The following SPATA16 variants were observed in gnomAD, a reference collection of about 807,000 sequenced individuals.
The protein encoded by SPATA16 is spermatogenesis associated 16.
SPATA16 carries 36 observed loss-of-function variants against 63.3 expected under a neutral mutation model. That is an observed-to-expected ratio of 0.57 (90% CI 0.44 to 0.75). The LOEUF is 0.75. SPATA16 is among the 30% of genes least tolerant of loss of function. The pLI is 0.00. For synonymous variants in SPATA16, 203 were observed against 216.7 expected (o/e 0.94, Z 0.56); for missense variants, 646 against 679.3 (o/e 0.95, Z 0.54).
chr3:172,916,491 A>G lies in SPATA16; in HGVS notation c.1339-10T>C, dbSNP rs546788418. On this transcript the variant is annotated splice_polypyrimidine_tract_variant and intron_variant, in intron 8 of 10. Transcript: ENST00000351008. ...ATGCAGGAAAACTCCCCTAGTCTCA[A>G]AGTAAAAGAAATGTTTTAGAACAAA... 109 of 1,613,524 alleles carry G rather than the reference A, an allele frequency of 6.8e-5. 1 individual carries two copies. The South Asian group carries it at 1.1e-3, about 16-fold the overall frequency.
intron 2 of SPATA16, among the ~76,000 whole-genome samples, chr3:173,058,280 A>G (rs1326206849): frequency 6.6e-6 from 1 of 152,118 alleles, no homozygotes; most frequent in Non-Finnish European, 1.5e-5. Context: ...TGGTTTCCCT[A>G]ATGAGAAATT....
intron 1 of SPATA16, among the ~76,000 whole-genome samples, chr3:173,127,716 C>T (rs1349443346): frequency 3.9e-5 from 6 of 152,222 alleles, no homozygotes; most frequent in African/African-American, 9.6e-5. Flanking sequence ...ATACAACGTC[C>T]GCTTGCTTTT....
chr3:173,117,217 A>G lies in SPATA16; in HGVS notation c.515T>C (p.Ile172Thr). The change falls in exon 2 of 11, where the codon ATT becomes ACT. Residue 172 changes from isoleucine to threonine, a missense_variant. Ile to Thr is a moderately conservative substitution (Grantham distance 89). Coordinates refer to ENST00000351008, the MANE Select transcript of SPATA16 (RefSeq NM_031955.6). Reference sequence around the variant, plus strand: ...TAAGGCTACCTGAAGCCATTTGTCAATCTGAGGCAGAAAGCTGAAATTATG... The same window carrying G: ...TAAGGCTACCTGAAGCCATTTGTCAGTCTGAGGCAGAAAGCTGAAATTATG... Reference protein sequence around the residue: ...SVHNFSFLPQIDKWLQVALKD... With the variant: ...SVHNFSFLPQTDKWLQVALKD... 6.2e-7 allele frequency: 1 copy of G among 1,614,148 alleles called. No homozygotes were observed. Among genetic ancestry groups the G allele is most frequent in the Non-Finnish European group, 8.5e-7 (1 of 1,180,006 alleles).
At chr3:173,113,791 A>G (rs1026634898) in intron 2 of SPATA16, among the ~76,000 whole-genome samples, 9 of 152,168 alleles carry the variant, frequency 5.9e-5, no homozygotes, top group Non-Finnish European at 1.0e-4. Flanking sequence ...CTCCGTTCTT[A>G]CTTTTCTGTT....
chr3:172,926,893 G>C (rs936568726), intron 6 of SPATA16, among the ~76,000 whole-genome samples: 2 of 152,122 alleles, frequency 1.3e-5, no homozygotes, highest in African/African-American at 4.8e-5. Flanking sequence ...AGCCCTCTTC[G>C]TTTAACACTG....
intron 3 of SPATA16, among the ~76,000 whole-genome samples, chr3:173,020,004 A>T (rs63268660): frequency 6.7e-6 from 1 of 149,686 alleles, no homozygotes. Flanking sequence ...AAAAAAAAAA[A>T]GGAACTGGAG....
At chr3:172,939,250 C>T (rs1262423134) in intron 6 of SPATA16, among the ~76,000 whole-genome samples, 1 of 152,086 alleles carries the variant, frequency 6.6e-6, no homozygotes, top group African/African-American at 2.4e-5. Flanking sequence ...TTGCTTGGTG[C>T]CCTGCAAATA....
chr3:173,117,250 A>G lies in SPATA16; in HGVS notation c.482T>C (p.Leu161Ser), dbSNP rs1461121794. Residue 161 changes from leucine to serine, a missense_variant, in exon 2 of 11, where the codon TTG becomes TCG. Leu to Ser is a moderately radical substitution (Grantham distance 145). Coordinates refer to ENST00000351008, the MANE Select transcript of SPATA16 (RefSeq NM_031955.6). ...TCQAAEIVDP[L>S]SVHNFSFLPQ... ...CAGAAAGCTGAAATTATGTACACTCAAAGGGTCTACTATTTCAGCAGCTTG... is the reference window on the plus strand; with the variant it reads ...CAGAAAGCTGAAATTATGTACACTCGAAGGGTCTACTATTTCAGCAGCTTG... The G allele has an allele frequency of 1.2e-6, 2 of 1,614,182 alleles. No individual in the cohort carries two copies. Among genetic ancestry groups the G allele is most frequent in the Non-Finnish European group, 8.5e-7 (1 of 1,180,006 alleles).
intron 6 of SPATA16, among the ~76,000 whole-genome samples, chr3:172,937,736 C>T (rs906655802): frequency 2.0e-5 from 3 of 152,052 alleles, no homozygotes; most frequent in Non-Finnish European, 2.9e-5. Context: ...TCAGTGTCAT[C>T]AGCTTCCTTT....
chr3:173,015,508 A>G (rs1339909612), intron 4 of SPATA16, among the ~76,000 whole-genome samples: 1 of 152,190 alleles, frequency 6.6e-6, no homozygotes, highest in African/African-American at 2.4e-5. Flanking sequence ...TGTATTTTCA[A>G]TTTAGAAGTC....
intron 10 of SPATA16, among the ~76,000 whole-genome samples, chr3:172,903,291 A>C (rs896049536): frequency 6.6e-6 from 1 of 152,258 alleles, no homozygotes; most frequent in Non-Finnish European, 1.5e-5. Context: ...CCAGAATATT[A>C]CACTGAAATT....
At chr3:172,944,268 A>G (rs116824664) in intron 6 of SPATA16, among the ~76,000 whole-genome samples, 6,776 of 152,342 alleles carry the variant, frequency 0.044, 526 homozygotes, top group African/African-American at 0.15. Context: ...GATGCTCAAC[A>G]TCACTAATCA....
chr3:173,140,382 C>G (rs956908944), intron 1 of SPATA16, among the ~76,000 whole-genome samples: 4 of 152,144 alleles, frequency 2.6e-5, no homozygotes, highest in Non-Finnish European at 5.9e-5. Context: ...AAATTTTAAA[C>G]AAAGCTGGAA....
chr3:173,109,681 GA>G (rs1048677660), intron 2 of SPATA16, among the ~76,000 whole-genome samples: 4 of 151,712 alleles, frequency 2.6e-5, no homozygotes, highest in Non-Finnish European at 2.9e-5. Context: ...TCACATTTCA[GA>G]AAAAAATCTT....
intron 4 of SPATA16, among the ~76,000 whole-genome samples, chr3:172,986,305 A>AAT (rs369423651): frequency 1.8e-4 from 28 of 152,222 alleles, no homozygotes; most frequent in African/African-American, 6.7e-4. Flanking sequence ...AAGAGATGTA[A>AAT]ATACATATGA....
At chr3:172,978,186 G>A (rs1243217254) in intron 4 of SPATA16, among the ~76,000 whole-genome samples, 4 of 150,896 alleles carry the variant, frequency 2.7e-5, no homozygotes, top group African/African-American at 4.9e-5. Context: ...AACACAGGTA[G>A]TATTGGAAAG....
chr3:172,984,805 C>A (rs1560088281), intron 4 of SPATA16, among the ~76,000 whole-genome samples: 1 of 152,144 alleles, frequency 6.6e-6, no homozygotes, highest in Non-Finnish European at 1.5e-5. Context: ...TTCCTAGATT[C>A]TCAATTGGTA....
chr3:173,008,837 T>C (rs1050033186), intron 4 of SPATA16, among the ~76,000 whole-genome samples: 38 of 152,172 alleles, frequency 2.5e-4, no homozygotes, highest in African/African-American at 8.7e-4. Flanking sequence ...TGACTTTAGC[T>C]TTTGAAAATT....
chr3:173,035,746 G>A (rs552423626), intron 3 of SPATA16, among the ~76,000 whole-genome samples: 1 of 152,022 alleles, frequency 6.6e-6, no homozygotes, highest in Admixed American at 6.6e-5. Context: ...ATTTTCTATA[G>A]GTTCCTTGAC....
Sources: gnomAD v4.1 joint callset for allele counts (sites outside exome capture counted in the v4.1 genomes callset) on GRCh38, gnomAD v4.1.1 for gene constraint, MANE v1.5 for transcripts, NCBI Gene and HGNC (gene_info 2026-07-23, HGNC 2026-07-21) for gene names.